The following PSG11 variants were observed in gnomAD, a reference collection of about 807,000 sequenced individuals.
The protein encoded by PSG11 is pregnancy-specific beta-1-glycoprotein 11.
Under a neutral mutation model 36.0 loss-of-function variants are expected in PSG11, and 42 were observed. The observed-to-expected ratio is 1.17, with a 90% CI of 0.91 to 1.51. The LOEUF is 1.51. Ranked by LOEUF, PSG11 falls within the 40% of genes most tolerant of loss-of-function variation. PSG11 has a pLI of 0.00. For synonymous variants in PSG11, 206 were observed against 153.5 expected (o/e 1.34, Z -2.53); for missense variants, 558 against 403.5 (o/e 1.38, Z -3.28).
chr19:43,024,630 G>A, intron 2 of PSG11, 61 bp downstream of exon 2: 3 of 1,608,136 alleles, frequency 1.9e-6, no homozygotes, highest in Non-Finnish European at 1.7e-6. Context: ...ACAATCCTGT[G>A]TGTGTGATGT....
intron 3 of PSG11, 51 bp downstream of exon 3, chr19:43,018,719 A>T: frequency 6.2e-7 from 1 of 1,611,856 alleles, no homozygotes; most frequent in Non-Finnish European, 8.5e-7. Flanking sequence ...GCCTCTGGCC[A>T]TGTGTATTTG....
intron 2 of PSG11, among the ~76,000 whole-genome samples, chr19:43,021,036 G>T (rs1747571797): frequency 6.6e-6 from 1 of 151,324 alleles, no homozygotes; most frequent in African/African-American, 2.4e-5. Flanking sequence ...ACAGTTGTAT[G>T]TGGCACAGGC....
chr19:43,025,071 G>A lies in PSG11; in HGVS notation c.65-15C>T. 6.2e-7 allele frequency: 1 copy of A among 1,604,988 alleles called. No individual in the cohort carries two copies. The highest frequency in any genetic ancestry group is 8.5e-7 in the Non-Finnish European group (1 of 1,175,394). Reference sequence around the variant, plus strand: ...TAAAAGTAATGCTAGGAGGTGGAGAGAGCATCAGTCAATATTGAGACCTAT... The same window carrying A: ...TAAAAGTAATGCTAGGAGGTGGAGAAAGCATCAGTCAATATTGAGACCTAT... On this transcript the variant is annotated splice_polypyrimidine_tract_variant and intron_variant, in intron 1 of 5. Transcript: ENST00000320078.
At position 43,018,140 on chromosome 19, in the gene PSG11, G is replaced by C. The variant is rs1190113998; in HGVS notation, c.709+630C>G. ...CAGGGACTATGATCCTCTTGATTATGAGATTTGTTCCACCAGTGGCTGAGT... is the reference window on the plus strand; with the variant it reads ...CAGGGACTATGATCCTCTTGATTATCAGATTTGTTCCACCAGTGGCTGAGT... On this transcript the variant is annotated intron_variant, in intron 3 of 5. Transcript: ENST00000320078. Among the ~76,000 whole-genome samples, 3 of 151,230 alleles carry C rather than the reference G, an allele frequency of 2.0e-5. 1 individual carries two copies. The highest frequency in any genetic ancestry group is 7.3e-5 in the African/African-American group (3 of 40,964).
Position 43,025,055 on chromosome 19 carries a change from T to C in PSG11, c.66A>G (p.Ala22=), listed in dbSNP as rs753050341. The part of the protein sequence containing the change: ...HIKWKGLLLT[A]LLLNFWNLPT... ...GCAAGTTCCAGAAGTTTAAAAGTAA[T>C]GCTAGGAGGTGGAGAGAGCATCAGT... Residue 22 remains alanine (A), a splice_region_variant and synonymous_variant, in exon 2 of 6, where the codon GCA becomes GCG. Coordinates refer to ENST00000320078, the MANE Select transcript of PSG11 (RefSeq NM_002785.3). 11 of 1,608,496 alleles carry C rather than the reference T, an allele frequency of 6.8e-6. 1 individual carries two copies. Among genetic ancestry groups the C allele is most frequent in the South Asian group, 1.1e-5 (1 of 90,486 alleles).
chr19:43,025,079 G>T, intron 1 of PSG11, 23 bp from the exon 2 acceptor site: 2 of 1,600,998 alleles, frequency 1.2e-6, no homozygotes, highest in South Asian at 1.1e-5. Flanking sequence ...GAGAGCATCA[G>T]TCAATATTGA....
intron 2 of PSG11, among the ~76,000 whole-genome samples, chr19:43,020,464 T>C (rs1383812518): frequency 6.6e-6 from 1 of 151,224 alleles, no homozygotes; most frequent in Non-Finnish European, 1.5e-5. Flanking sequence ...TGTCAGGAGA[T>C]TAGACCTCAT....
intron 2 of PSG11, among the ~76,000 whole-genome samples, chr19:43,020,760 G>A (rs1354991005): frequency 2.0e-5 from 3 of 151,190 alleles, no homozygotes; most frequent in Middle Eastern, 3.4e-3. Flanking sequence ...AAAGGAGGAA[G>A]GATGCCAAAT....
intron 2 of PSG11, chr19:43,019,555 T>C (rs1263563103): frequency 6.1e-6 from 1 of 164,310 alleles, no homozygotes; most frequent in Non-Finnish European, 1.3e-5. Context: ...GACTGGGTAC[T>C]TCAGCAGAAA....
Position 43,018,954 on chromosome 19 carries a change from G to A in PSG11, c.525C>T (p.Asp175=), listed in dbSNP as rs149472706. 6.3e-5 allele frequency: 102 copies of A among 1,612,078 alleles called. 6 individuals carry two copies. The highest frequency in any genetic ancestry group is 2.1e-4 in the South Asian group (19 of 90,836). ...CATTCATCCACCACAGGTAGCTTGCGTCCGGAGTCTCAGGATTACAGGTTA... is the reference window on the plus strand; with the variant it reads ...CATTCATCCACCACAGGTAGCTTGCATCCGGAGTCTCAGGATTACAGGTTA... ...VILTCNPETP[D]ASYLWWMNGQ... is the part of the protein sequence containing the mutation. The change falls in exon 3 of 6, where the codon GAC becomes GAT. Residue 175 remains aspartate (D), a synonymous_variant. Transcript: ENST00000320078.
rs765423936 is a variant in PSG11 at position 43,024,834 on chromosome 19, C to T, written c.287G>A (p.Ser96Asn). 13 of 1,612,024 alleles carry T rather than the reference C, an allele frequency of 8.1e-6. 1 individual carries two copies. Among genetic ancestry groups the T allele is most frequent in the Non-Finnish European group, 1.1e-5 (13 of 1,179,126 alleles). ...GQIIIYGPAYSGRETVYSNAS... is the reference protein window; with the variant it reads ...GQIIIYGPAYNGRETVYSNAS... ...ATTGGAATATACTGTTTCTCGTCCACTGTATGCCGGTCCATATATAATTAT... is the reference window on the plus strand; with the variant it reads ...ATTGGAATATACTGTTTCTCGTCCATTGTATGCCGGTCCATATATAATTAT... The change falls in exon 2 of 6, where the codon AGT (serine) becomes AAT (asparagine). Residue 96 changes from serine (S) to asparagine (N), a missense_variant. Ser to Asn is a conservative substitution (Grantham distance 46). Coordinates refer to ENST00000320078, the MANE Select transcript of PSG11 (RefSeq NM_002785.3).
Position 43,014,688 on chromosome 19 carries a change from C to G in PSG11, c.964+428G>C, listed in dbSNP as rs150543983. The stretch of plus-strand genomic sequence containing the variant: ...CCTCCCTCACCCAAGGGGCTTCCTC[C>G]TCTCATTTGGGGGAAAAGTGTGAGC... On this transcript the variant is annotated intron_variant, in intron 4 of 5. Coordinates refer to ENST00000320078, the MANE Select transcript of PSG11 (RefSeq NM_002785.3). 6,640 of 1,188,690 alleles carry G rather than the reference C, an allele frequency of 5.6e-3. 488 individuals are homozygous for G. In the African/African-American group the frequency reaches 0.096, roughly 17 times the overall value. The allele number at this position is 1,188,690 out of a possible 1,614,324, so 73.6% of individuals were successfully genotyped here. A position where few individuals can be genotyped will look rare whatever the true frequency, so the allele number is the denominator to read the frequency against.
intron 1 of PSG11, 38 bp from the exon 2 acceptor site, chr19:43,025,094 T>C (rs1313090496): frequency 6.3e-7 from 1 of 1,588,474 alleles, no homozygotes; most frequent in Non-Finnish European, 8.6e-7. Flanking sequence ...TATTGAGACC[T>C]ATGTATTGGG....
chr19:43,019,231 C>G (rs1324715164), intron 2 of PSG11, 183 bp from the exon 3 acceptor site: 1 of 1,311,930 alleles, frequency 7.6e-7, no homozygotes, highest in Non-Finnish European at 1.0e-6. Context: ...TGTGAGGCTG[C>G]CTGCTTTATG....
intron 2 of PSG11, chr19:43,024,437 T>G (rs1967184828): frequency 3.4e-6 from 2 of 581,238 alleles, no homozygotes; most frequent in Non-Finnish European, 6.1e-6. Context: ...GAGACTGATC[T>G]CCTCCTGCTG....
chr19:43,015,705 G>A, intron 3 of PSG11: 1 of 1,594,434 alleles, frequency 6.3e-7, no homozygotes, highest in South Asian at 1.1e-5. Flanking sequence ...AGACTGAGAG[G>A]CCTGGCCCCT....
intron 2 of PSG11, among the ~76,000 whole-genome samples, chr19:43,022,883 A>C (rs1174514169): frequency 6.6e-6 from 1 of 150,386 alleles, no homozygotes. Context: ...GGAAGGGAAT[A>C]GAACAGCCAG....
Position 43,015,282 on chromosome 19 carries a change from G to T in PSG11, c.798C>A (p.Asn266Lys). Residue 266 changes from asparagine (N) to lysine (K), a missense_variant, in exon 4 of 6, where the codon AAC becomes AAA. Physicochemically the swap from Asn to Lys is moderately conservative, Grantham distance 94. Coordinates refer to ENST00000320078, the MANE Select transcript of PSG11 (RefSeq NM_002785.3). Reference sequence around the variant, plus strand: ...TTGTCCAAGAATACTGTGCTGGTGGGTTAGAGTTTGCGAAGCAGGACAAGT... The same window carrying T: ...TTGTCCAAGAATACTGTGCTGGTGGTTTAGAGTTTGCGAAGCAGGACAAGT... ...NLDLSCFANS[N>K]PPAQYSWTIN... 6.2e-7 allele frequency: 1 copy of T among 1,611,260 alleles called. No homozygotes were observed. Among genetic ancestry groups the T allele is most frequent in the Non-Finnish European group, 8.5e-7 (1 of 1,178,280 alleles).
chr19:43,020,163 C>G (rs1599677891), intron 2 of PSG11, among the ~76,000 whole-genome samples: 1 of 151,434 alleles, frequency 6.6e-6, no homozygotes, highest in East Asian at 1.9e-4. Context: ...TTCTAGAGAT[C>G]TCCTGTACAG....
Sources: gnomAD v4.1 joint callset for allele counts (sites outside exome capture counted in the v4.1 genomes callset) on GRCh38, gnomAD v4.1.1 for gene constraint, MANE v1.5 for transcripts, NCBI Gene and HGNC (gene_info 2026-07-23, HGNC 2026-07-21) for gene names.